PLSCR5: variants seen among roughly 807,000 people sequenced by gnomAD.
PLSCR5 encodes the protein phospholipid scramblase family member 5, also known as phospholipid scramblase family, member 5.
PLSCR5 carries 44 observed loss-of-function variants against 33.6 expected under a neutral mutation model. The observed-to-expected ratio is 1.31, with a 90% confidence interval of 1.03 to 1.69. The LOEUF (loss-of-function observed/expected upper bound fraction) is 1.69, where lower values mean the gene tolerates loss of function less well. Ranked by LOEUF, PLSCR5 falls within the 40% of genes most tolerant of loss-of-function variation. The pLI is 0.00. For missense variants in PLSCR5, 375 were observed against 318.7 expected, an observed-to-expected ratio of 1.18 and a Z score of -1.34; for synonymous variants, 148 against 112.3, an observed-to-expected ratio of 1.32 and a Z score of -2.01.
chr3:146,581,201 A>T (rs1283068315), downstream of PLSCR5, among the ~76,000 whole-genome samples: 1 of 152,134 alleles, frequency 6.6e-6, no homozygotes, highest in Non-Finnish European at 1.5e-5. Flanking sequence ...CTTTCCCAAA[A>T]CCTTATATAA....
intron 7 of PLSCR5, among the ~76,000 whole-genome samples, chr3:146,579,503 C>T (rs2044619494): frequency 6.6e-6 from 1 of 152,164 alleles, no homozygotes; most frequent in Non-Finnish European, 1.5e-5. Flanking sequence ...ATTAGAATTT[C>T]AGTGTGCAAC....
chr3:146,581,428 T>A (rs984847997), downstream of PLSCR5, among the ~76,000 whole-genome samples: 3 of 152,222 alleles, frequency 2.0e-5, no homozygotes, highest in Admixed American at 1.3e-4. Flanking sequence ...TTGCTTTTGT[T>A]TACTGTTATA....
At chr3:146,603,874 T>C (rs1472734260) in intron 1 of PLSCR5, among the ~76,000 whole-genome samples, 2 of 152,142 alleles carry the variant, frequency 1.3e-5, no homozygotes, top group Non-Finnish European at 2.9e-5. Flanking sequence ...AAATGACACA[T>C]ATGTTAAATT....
At chr3:146,579,804 G>T (rs1020770685) in intron 7 of PLSCR5, among the ~76,000 whole-genome samples, 2 of 151,890 alleles carry the variant, frequency 1.3e-5, no homozygotes, top group Non-Finnish European at 2.9e-5. Context: ...ACCATCACTT[G>T]GAGGATACGT....
chr3:146,603,719 C>T (rs1055710283), intron 1 of PLSCR5, among the ~76,000 whole-genome samples: 2 of 152,102 alleles, frequency 1.3e-5, no homozygotes, highest in African/African-American at 4.8e-5. Flanking sequence ...ATACACTCTG[C>T]AACTTTTTAC....
chr3:146,586,504 A>G (rs1055748445), intron 6 of PLSCR5, among the ~76,000 whole-genome samples: 1 of 152,196 alleles, frequency 6.6e-6, no homozygotes, highest in Non-Finnish European at 1.5e-5. Flanking sequence ...TTTGGGTGAT[A>G]AACCCTTTGC....
intron 1 of PLSCR5, among the ~76,000 whole-genome samples, chr3:146,604,287 T>A (rs183390588): frequency 6.7e-4 from 102 of 152,248 alleles, no homozygotes; most frequent in African/African-American, 2.4e-3. Context: ...TTTAGTGAGA[T>A]TGCAACTTAC....
intron 7 of PLSCR5, among the ~76,000 whole-genome samples, chr3:146,580,506 C>G (rs1319784695): frequency 1.4e-5 from 2 of 138,920 alleles, no homozygotes; most frequent in African/African-American, 5.5e-5. Flanking sequence ...TCTCTGTCGC[C>G]CAGGCTGGAG....
In PLSCR5 at chr3:146,591,859, C is replaced by G; in HGVS notation, c.476G>C (p.Gly159Ala). Residue 159 changes from glycine to alanine, a missense_variant, in exon 5 of 8, where the codon GGT (glycine) becomes GCT (alanine). Transcript: ENST00000443512. The part of the protein sequence containing the change: ...LQELEIQAPP[G>A]TIVGYVTQKW... ...CTGCGTAACGTAACCAACTATAGTA[C>G]CAGGAGGGGCTTGGATTTCTAACTG... is the stretch of plus-strand genomic sequence containing the variant. 1 of 1,606,682 alleles carries G rather than the reference C, an allele frequency of 6.2e-7. No homozygotes were observed. Among genetic ancestry groups the G allele is most frequent in the South Asian group, 1.1e-5 (1 of 89,390 alleles).
At position 146,591,581 on chromosome 3, in the gene PLSCR5, G is replaced by A. The variant is rs184575725; in HGVS notation, c.615+139C>T. ...CCTATTCTTAGCATGTACAATATGG[G>A]CTGATTACATTATATTACAAATATG... On this transcript the variant is annotated intron_variant, in intron 5 of 7. Transcript: ENST00000443512. 180 of 932,282 alleles carry A rather than the reference G, an allele frequency of 1.9e-4. No individual in the cohort carries two copies. The East Asian group carries it at 4.2e-3, about 22-fold the overall frequency. The allele number at this position is 932,282 out of a possible 1,614,324, so 57.8% of individuals were successfully genotyped here.
chr3:146,583,819 T>G (rs551867322), downstream of PLSCR5, among the ~76,000 whole-genome samples: 1 of 152,262 alleles, frequency 6.6e-6, no homozygotes, highest in East Asian at 1.9e-4. Context: ...TTAAAAAAAG[T>G]CTCCAAAGCA....
Position 146,591,906 on chromosome 3 carries a change from T to C in PLSCR5, c.454-25A>G, listed in dbSNP as rs762337927. ...ACTGTAAGAAGAGATAATGATAAAATAAGATTTTCTTAGGTTATCATATTT... is the reference window on the plus strand; with the variant it reads ...ACTGTAAGAAGAGATAATGATAAAACAAGATTTTCTTAGGTTATCATATTT... On this transcript the variant is annotated intron_variant, in intron 4 of 7. Coordinates refer to ENST00000443512, the MANE Select transcript of PLSCR5 (RefSeq NM_001085420.2). The C allele has an allele frequency of 2.2e-5, 34 of 1,535,696 alleles. No homozygotes were observed. The African/African-American group carries it at 3.8e-4, about 17-fold the overall frequency.
intron 7 of PLSCR5, 27 bp from the exon 8 acceptor site, chr3:146,585,969 T>C (rs987795304): frequency 1.7e-6 from 2 of 1,185,802 alleles, no homozygotes; most frequent in African/African-American, 1.6e-5. Context: ...AAGAGTTAGA[T>C]AGCGTCAAAT....
chr3:146,595,764 AT>A (rs939557940), intron 2 of PLSCR5, among the ~76,000 whole-genome samples: 20 of 152,192 alleles, frequency 1.3e-4, no homozygotes, highest in African/African-American at 4.3e-4. Context: ...TTACAACTCA[AT>A]TTTTTTAGAA....
rs765554178 is a variant in PLSCR5, at chr3:146,594,019, A to G, written c.354T>C (p.Ser118=). The G allele has an allele frequency of 2.4e-4, 381 of 1,613,706 alleles. 1 individual carries two copies. The highest frequency in any genetic ancestry group is 3.0e-4 in the Non-Finnish European group (357 of 1,179,788). ...FNRTFCSTLR[S]CTLRITDNSG... ...AGTTATCTGTGATCCTCAGGGTGCA[A>G]GATCGCAGAGTGGAACAGAAAGTAC... Residue 118 remains serine (S), a synonymous_variant, in exon 4 of 8, where the codon TCT becomes TCC. Transcript: ENST00000443512.
Position 146,593,929 on chromosome 3 carries a change from G to A in PLSCR5, c.444C>T (p.Tyr148=), listed in dbSNP as rs1332897738. The A allele has an allele frequency of 1.2e-5, 20 of 1,613,400 alleles. No individual in the cohort carries two copies. The highest frequency in any genetic ancestry group is 1.7e-5 in the Non-Finnish European group (20 of 1,179,580). Reference sequence around the variant, plus strand: ...AGAGCCAGTAACTAACCTCTTGTAGGTAGCAAGGGCACCAGCAGCTGTTAC... The same window carrying A: ...AGAGCCAGTAACTAACCTCTTGTAGATAGCAAGGGCACCAGCAGCTGTTAC... ...LRCNSCWCPC[Y]LQELEIQAPP... is the part of the protein sequence containing the mutation. The change falls in exon 4 of 8, where the codon TAC becomes TAT. Residue 148 remains tyrosine, a synonymous_variant. Coordinates refer to ENST00000443512, the MANE Select transcript of PLSCR5 (RefSeq NM_001085420.2).
At chr3:146,585,453 A>G (rs1220651797), downstream of PLSCR5, among the ~76,000 whole-genome samples, 2 of 152,142 alleles carry the variant, frequency 1.3e-5, no homozygotes, top group African/African-American at 4.8e-5. Flanking sequence ...TCTTACCACT[A>G]GAATGAATTG....
intron 6 of PLSCR5, among the ~76,000 whole-genome samples, chr3:146,586,363 G>A (rs2044665643): frequency 6.6e-6 from 1 of 152,072 alleles, no homozygotes; most frequent in African/African-American, 2.4e-5. Flanking sequence ...AAGTGTTCCA[G>A]TATTATATGA....
chr3:146,579,798 T>C (rs908831870), intron 7 of PLSCR5, among the ~76,000 whole-genome samples: 1 of 152,008 alleles, frequency 6.6e-6, no homozygotes, highest in Admixed American at 6.6e-5. Context: ...TCTAGCACCA[T>C]CACTTGGAGG....
Sources: gnomAD v4.1 joint callset for allele counts (sites outside exome capture counted in the v4.1 genomes callset) on GRCh38, gnomAD v4.1.1 for gene constraint, MANE v1.5 for transcripts, NCBI Gene and HGNC (gene_info 2026-07-23, HGNC 2026-07-21) for gene names.